NPAS2: variants seen among roughly 807,000 people sequenced by gnomAD.
NPAS2 encodes neuronal PAS domain protein 2.
Under a neutral mutation model 107.5 loss-of-function variants are expected in NPAS2, and 23 were observed. That is an observed-to-expected ratio of 0.21 (90% CI 0.15 to 0.30). The LOEUF (loss-of-function observed/expected upper bound fraction) is 0.30. Among genes scored for constraint, NPAS2 ranks in the 10% least tolerant of loss-of-function variants. The pLI is 1.00. For missense variants in NPAS2, 756 were observed against 1,043.3 expected, an observed-to-expected ratio of 0.72 and a Z score of 3.79; for synonymous variants, 403 against 417.5, an observed-to-expected ratio of 0.97 and a Z score of 0.42.
rs543503921 is a variant in NPAS2 at position 100,966,655 on chromosome 2, G to A, written c.907+889G>A. On this transcript the variant is annotated intron_variant, in intron 10 of 20. Coordinates refer to ENST00000335681, the MANE Select transcript of NPAS2 (RefSeq NM_002518.4). ...GTCACCCAGGCTGGAGTGCAGTGGC[G>A]CAATCTCGGCTCACTGCAAGCTTCA... is the stretch of plus-strand genomic sequence containing the variant. Among the ~76,000 whole-genome samples, 90 of 148,314 alleles carry A rather than the reference G, an allele frequency of 6.1e-4. No homozygotes were observed. In the South Asian group the frequency reaches 0.018, roughly 30 times the overall value.
At chr2:100,956,858 C>G (rs774618937) in intron 7 of NPAS2, among the ~76,000 whole-genome samples, 1 of 152,108 alleles carries the variant, frequency 6.6e-6, no homozygotes, top group Non-Finnish European at 1.5e-5. Context: ...GGGCTGAGTT[C>G]GTAGGAATTT....
intron 7 of NPAS2, among the ~76,000 whole-genome samples, chr2:100,962,097 C>T (rs1675949318): frequency 3.3e-5 from 5 of 152,104 alleles, no homozygotes; most frequent in Admixed American, 3.3e-4. Context: ...TTTCTTGGCT[C>T]ATCTTACAAA....
intron 11 of NPAS2, among the ~76,000 whole-genome samples, chr2:100,969,841 TATCTGAAC>T (rs1420788338): frequency 1.3e-5 from 2 of 152,142 alleles, no homozygotes; most frequent in East Asian, 3.9e-4. Flanking sequence ...CACCTAAACG[TATCTGAAC>T]ACAGAAAAGG....
At chr2:100,850,870 T>C (rs376478007) in intron 1 of NPAS2, among the ~76,000 whole-genome samples, 57 of 142,134 alleles carry the variant, frequency 4.0e-4, no homozygotes, top group African/African-American at 1.5e-3. Context: ...GGAGAATCAC[T>C]TGAACCCAGG....
At chr2:100,945,175 C>A (rs991706570) in intron 5 of NPAS2, among the ~76,000 whole-genome samples, 3 of 152,032 alleles carry the variant, frequency 2.0e-5, no homozygotes, top group Non-Finnish European at 4.4e-5. Flanking sequence ...AGATAAAGAC[C>A]GGTGCGTCCG....
In NPAS2 at chr2:100,879,122, GA is replaced by G. The variant is rs1339247169; in HGVS notation, c.-22-25598del. Among the ~76,000 whole-genome samples, 876 of 106,350 alleles carry G rather than the reference GA, an allele frequency of 8.2e-3. 7 individuals are homozygous for G. Among genetic ancestry groups the G allele is most frequent in the African/African-American group, 0.022 (632 of 29,354 alleles). 69.8% of individuals were successfully genotyped at this position (106,350 alleles called of 152,430 possible). On this transcript the variant is annotated intron_variant, in intron 1 of 20. Transcript: ENST00000335681. ...AGCGAGACTCTGTCTCAAAAAAAAAGAAAAAAAAAAAAAGCCTTCTAAATAT... is the reference window on the plus strand; with the variant it reads ...AGCGAGACTCTGTCTCAAAAAAAAAGAAAAAAAAAAAAGCCTTCTAAATAT...
intron 1 of NPAS2, among the ~76,000 whole-genome samples, chr2:100,890,343 G>A (rs1316528644): frequency 6.6e-6 from 1 of 152,166 alleles, no homozygotes; most frequent in African/African-American, 2.4e-5. Context: ...AGGGACAGGT[G>A]GGTGCAGGGA....
chr2:100,826,097 T>C (rs918799959), intron 1 of NPAS2, among the ~76,000 whole-genome samples: 7 of 152,204 alleles, frequency 4.6e-5, no homozygotes, highest in African/African-American at 1.7e-4. Context: ...CCATGGGGCA[T>C]GTTCTGCTAG....
intron 1 of NPAS2, among the ~76,000 whole-genome samples, chr2:100,852,210 C>A (rs1050430730): frequency 7.2e-5 from 11 of 152,084 alleles, no homozygotes; most frequent in East Asian, 3.9e-4. Flanking sequence ...TCCTGGCTAA[C>A]ACGGTGAAAC....
intron 2 of NPAS2, among the ~76,000 whole-genome samples, chr2:100,910,025 G>T (rs1018800900): frequency 1.1e-4 from 16 of 152,086 alleles, no homozygotes; most frequent in Non-Finnish European, 4.4e-5. Context: ...GTGGTGTCTG[G>T]CAGGCTTAGA....
At chr2:100,973,648 A>G (rs1319315066) in intron 12 of NPAS2, among the ~76,000 whole-genome samples, 1 of 152,182 alleles carries the variant, frequency 6.6e-6, no homozygotes, top group Non-Finnish European at 1.5e-5. Flanking sequence ...GCCGTGACAC[A>G]AAAGACAAAA....
intron 1 of NPAS2, among the ~76,000 whole-genome samples, chr2:100,869,998 G>A (rs1288638833): frequency 2.7e-5 from 4 of 148,944 alleles, no homozygotes; most frequent in South Asian, 2.1e-4. Flanking sequence ...TCTGCCTCCC[G>A]GGTTCACGCC....
At chr2:100,956,353 C>G (rs149025008) in intron 7 of NPAS2, among the ~76,000 whole-genome samples, 3 of 152,176 alleles carry the variant, frequency 2.0e-5, no homozygotes. Context: ...CCTTCACCCC[C>G]TCCTTCCTTC....
At chr2:100,936,481 T>G (rs1172247695) in intron 4 of NPAS2, among the ~76,000 whole-genome samples, 1 of 152,172 alleles carries the variant, frequency 6.6e-6, no homozygotes, top group African/African-American at 2.4e-5. Context: ...TGAGCTATTA[T>G]TCCCTTAAAG....
At chr2:100,896,606 G>C (rs1681427560) in intron 1 of NPAS2, among the ~76,000 whole-genome samples, 1 of 152,254 alleles carries the variant, frequency 6.6e-6, no homozygotes, top group Admixed American at 6.5e-5. Flanking sequence ...AGTGCTGTCT[G>C]AGTGGATTTT....
At chr2:100,900,211 C>T (rs1681681581) in intron 1 of NPAS2, among the ~76,000 whole-genome samples, 2 of 152,272 alleles carry the variant, frequency 1.3e-5, no homozygotes, top group South Asian at 4.1e-4. Flanking sequence ...TGACAAAGTA[C>T]TTGTACCTGG....
intron 7 of NPAS2, among the ~76,000 whole-genome samples, chr2:100,949,751 T>A (rs1675114563): frequency 6.6e-6 from 1 of 152,180 alleles, no homozygotes; most frequent in South Asian, 2.1e-4. Flanking sequence ...GATGAAATAA[T>A]TCTGTACTGT....
At position 100,826,818 on chromosome 2, in the gene NPAS2, G is replaced by A. The variant is rs1282870685; in HGVS notation, c.-23+6404G>A. ...AACCTCCCCATCTACAGTGTGTAAGGCCGCCTTGTCTCCATATCTTAACTA... is the reference window on the plus strand; with the variant it reads ...AACCTCCCCATCTACAGTGTGTAAGACCGCCTTGTCTCCATATCTTAACTA... On this transcript the variant is annotated intron_variant, in intron 1 of 20. Coordinates refer to ENST00000335681, the MANE Select transcript of NPAS2 (RefSeq NM_002518.4). Among the ~76,000 whole-genome samples the A allele has an allele frequency of 2.0e-5, 3 of 152,252 alleles. No homozygotes were observed. In the East Asian group the frequency reaches 5.8e-4, roughly 29 times the overall value.
chr2:100,849,900 G>A (rs2104464617), intron 1 of NPAS2, among the ~76,000 whole-genome samples: 1 of 151,566 alleles, frequency 6.6e-6, no homozygotes, highest in Non-Finnish European at 1.5e-5. Flanking sequence ...AATGGTCAGG[G>A]AAAGTGGTTA....
Sources: allele counts gnomAD v4.1 joint callset (sites outside exome capture counted in the v4.1 genomes callset), GRCh38; gene constraint gnomAD v4.1.1; transcripts MANE v1.5; gene names NCBI Gene and HGNC (gene_info 2026-07-23, HGNC 2026-07-21).